Variants in DYNC1I1 observed in about 807,000 individuals in gnomAD.
DYNC1I1 encodes the protein cytoplasmic dynein 1 intermediate chain 1.
Under a neutral mutation model 86.6 loss-of-function variants are expected in DYNC1I1, and 43 were observed. That is an observed-to-expected ratio of 0.50 (90% CI 0.39 to 0.64). DYNC1I1 has a LOEUF of 0.64. Ranked by LOEUF, DYNC1I1 falls within the 30% of genes least tolerant of loss-of-function variation. DYNC1I1 has a pLI of 0.00. For missense variants in DYNC1I1, 604 were observed against 788.8 expected (o/e 0.77, Z 2.81); for synonymous variants, 262 against 283.7 (o/e 0.92, Z 0.77).
chr7:96,030,838 AC>A (rs1794792178), intron 11 of DYNC1I1, among the ~76,000 whole-genome samples: 1 of 152,052 alleles, frequency 6.6e-6, no homozygotes, highest in Admixed American at 6.5e-5. Flanking sequence ...GGCTCTACAT[AC>A]ACCAGAGACT....
intron 16 of DYNC1I1, 117 bp from the exon 17 acceptor site, chr7:96,097,366 C>A: frequency 8.8e-7 from 1 of 1,130,350 alleles, no homozygotes; most frequent in Non-Finnish European, 1.3e-6. Flanking sequence ...CCTTTACATT[C>A]CAAGGGAAAC....
At chr7:95,960,218 T>C (rs899367447) in intron 6 of DYNC1I1, among the ~76,000 whole-genome samples, 1 of 152,192 alleles carries the variant, frequency 6.6e-6, no homozygotes, top group African/African-American at 2.4e-5. Context: ...GCTATTCAAC[T>C]GCCTCAGCCT....
At chr7:95,990,518 C>CT (rs1299048056) in intron 9 of DYNC1I1, among the ~76,000 whole-genome samples, 1 of 152,140 alleles carries the variant, frequency 6.6e-6, no homozygotes, top group Non-Finnish European at 1.5e-5. Context: ...TGTTAGGAAA[C>CT]AGCGTCTTAC....
intron 5 of DYNC1I1, among the ~76,000 whole-genome samples, chr7:95,860,744 G>T (rs1380993373): frequency 6.6e-6 from 1 of 152,068 alleles, no homozygotes; most frequent in African/African-American, 2.4e-5. Flanking sequence ...GTCTTGTGAG[G>T]GCCTTATTGC....
At chr7:96,091,507 G>A (rs1242726627) in intron 16 of DYNC1I1, among the ~76,000 whole-genome samples, 1 of 152,078 alleles carries the variant, frequency 6.6e-6, no homozygotes, top group Non-Finnish European at 1.5e-5. Context: ...TCATGTATCT[G>A]AGAAACCAAC....
intron 6 of DYNC1I1, among the ~76,000 whole-genome samples, chr7:95,975,676 T>C (rs1199493276): frequency 1.3e-5 from 2 of 152,206 alleles, no homozygotes; most frequent in South Asian, 2.1e-4. Flanking sequence ...GTTCAACCCA[T>C]AGTTCTGGCC....
At chr7:95,804,596 A>G in intron 1 of DYNC1I1, 125 bp from the exon 2 acceptor site, 4 of 1,113,666 alleles carry the variant, frequency 3.6e-6, no homozygotes. Context: ...GCTAAATAAT[A>G]CAACCTCTTG....
chr7:95,940,207 C>T (rs1043593571), intron 6 of DYNC1I1, among the ~76,000 whole-genome samples: 1 of 152,088 alleles, frequency 6.6e-6, no homozygotes, highest in Non-Finnish European at 1.5e-5. Context: ...GTAACCCGAC[C>T]TTTCTCTCTG....
At chr7:96,074,349 A>C (rs982969242) in intron 14 of DYNC1I1, among the ~76,000 whole-genome samples, 2 of 152,098 alleles carry the variant, frequency 1.3e-5, no homozygotes, top group Non-Finnish European at 2.9e-5. Context: ...GGAGATCGAG[A>C]CCATCCTGGC....
intron 6 of DYNC1I1, among the ~76,000 whole-genome samples, chr7:95,946,910 A>G (rs1000527494): frequency 9.9e-5 from 15 of 152,150 alleles, no homozygotes; most frequent in East Asian, 1.9e-4. Context: ...GGTTGGGAGG[A>G]GAGTGCTCTC....
chr7:96,001,259 C>T (rs992719491), intron 10 of DYNC1I1, among the ~76,000 whole-genome samples: 1 of 152,098 alleles, frequency 6.6e-6, no homozygotes, highest in Non-Finnish European at 1.5e-5. Context: ...GCAATATGAG[C>T]ACGTTTGCTG....
intron 7 of DYNC1I1, among the ~76,000 whole-genome samples, chr7:95,978,795 T>C (rs903133307): frequency 4.0e-5 from 6 of 148,260 alleles, no homozygotes; most frequent in East Asian, 1.9e-4. Context: ...TGGAGTTAAA[T>C]GGGACAATTT....
At chr7:95,774,010 A>G (rs1793775854) in intron 1 of DYNC1I1, among the ~76,000 whole-genome samples, 1 of 152,194 alleles carries the variant, frequency 6.6e-6, no homozygotes, top group African/African-American at 2.4e-5. Flanking sequence ...TTTGGTGTGG[A>G]AAAAGGGGTC....
At chr7:95,949,526 A>C (rs1349896582) in intron 6 of DYNC1I1, among the ~76,000 whole-genome samples, 1 of 152,230 alleles carries the variant, frequency 6.6e-6, no homozygotes, top group African/African-American at 2.4e-5. Context: ...GCTTTTAATG[A>C]AGAATTGCTT....
At chr7:95,894,351 G>C (rs1790821170) in intron 6 of DYNC1I1, among the ~76,000 whole-genome samples, 1 of 151,942 alleles carries the variant, frequency 6.6e-6, no homozygotes, top group African/African-American at 2.4e-5. Flanking sequence ...GAAGGGGCAA[G>C]GGATCTCTCT....
chr7:95,939,783 T>A (rs1792151763), intron 6 of DYNC1I1, among the ~76,000 whole-genome samples: 1 of 152,190 alleles, frequency 6.6e-6, no homozygotes, highest in Non-Finnish European at 1.5e-5. Flanking sequence ...AATTGGAGAA[T>A]TTAGTCCATT....
At chr7:95,986,785 TTGGGACTGGTCAAGA>T (rs1359418157) in intron 8 of DYNC1I1, among the ~76,000 whole-genome samples, 1 of 151,826 alleles carries the variant, frequency 6.6e-6, no homozygotes, top group East Asian at 2.0e-4. Flanking sequence ...TGGAGAAAGC[TTGGGACTGGTCAAGA>T]TGGGAACTTG....
At chr7:96,003,570 A>G (rs1228512800) in intron 10 of DYNC1I1, among the ~76,000 whole-genome samples, 1 of 152,086 alleles carries the variant, frequency 6.6e-6, no homozygotes, top group African/African-American at 2.4e-5. Context: ...CAACATTTTC[A>G]TATAGGCAAG....
rs1040758114 is a variant in DYNC1I1, at chr7:96,056,747, A to G, written c.1509+17326A>G. Among the ~76,000 whole-genome samples the G allele has an allele frequency of 9.9e-5, 15 of 152,040 alleles. 1 individual carries two copies. Among genetic ancestry groups the G allele is most frequent in the African/African-American group, 2.4e-5 (1 of 41,402 alleles). On this transcript the variant is annotated intron_variant, in intron 14 of 16. Coordinates refer to ENST00000447467, the MANE Select transcript of DYNC1I1 (RefSeq NM_001135556.2). Reference sequence around the variant, plus strand: ...GCATATGCAAATGTATATTTACTATATATATAGTGTGTATATATATATGCA... The same window carrying G: ...GCATATGCAAATGTATATTTACTATGTATATAGTGTGTATATATATATGCA...
Sources: gnomAD v4.1 joint callset for allele counts (sites outside exome capture counted in the v4.1 genomes callset) on GRCh38, gnomAD v4.1.1 for gene constraint, MANE v1.5 for transcripts, NCBI Gene and HGNC (gene_info 2026-07-23, HGNC 2026-07-21) for gene names.